HYCC2: variants seen among roughly 807,000 people sequenced by gnomAD.
HYCC2 encodes hyccin 2.
chr2:201,033,149 A>ATGTGTGTG, the HYCC2 span, among the ~76,000 whole-genome samples: 8 of 114,758 alleles, frequency 7.0e-5, no homozygotes, highest in African/African-American at 2.4e-4. Flanking sequence ...AGCTATTTGT[A>ATGTGTGTG]TGTGTGTGTA....
the HYCC2 span, chr2:200,976,674 G>A: frequency 1.3e-5 from 2 of 152,014 alleles, no homozygotes; most frequent in East Asian, 3.9e-4. Flanking sequence ...AGCTTATATA[G>A]CTGAGACTAC....
chr2:201,011,485 A>G, the HYCC2 span: 1 of 1,431,282 alleles, frequency 7.0e-7, no homozygotes, highest in Non-Finnish European at 9.6e-7. Flanking sequence ...ATAGTCAAAA[A>G]ATATACAAAG....
At chr2:201,023,995 G>A in the HYCC2 span, 14 of 1,613,142 alleles carry the variant, frequency 8.7e-6, no homozygotes, top group Non-Finnish European at 1.2e-5. Context: ...CAACACAACG[G>A]TCAGTTCCCA....
At chr2:201,030,572 T>C in the HYCC2 span, among the ~76,000 whole-genome samples, 1 of 151,232 alleles carries the variant, frequency 6.6e-6, no homozygotes, top group African/African-American at 2.4e-5. Context: ...TCTATAGATC[T>C]ATCTCATTCC....
the HYCC2 span, chr2:201,022,187 G>T: frequency 2.4e-6 from 2 of 832,108 alleles, no homozygotes; most frequent in Non-Finnish European, 1.7e-6. Context: ...ATCCAGTGGT[G>T]ATAAAACTGT....
the HYCC2 span, among the ~76,000 whole-genome samples, chr2:201,012,591 CA>C: frequency 1.3e-5 from 2 of 152,118 alleles, no homozygotes; most frequent in Non-Finnish European, 2.9e-5. Context: ...ATAAAAAAGA[CA>C]ATGGACAATG....
chr2:200,988,153 A>T, the HYCC2 span: 1 of 860,276 alleles, frequency 1.2e-6, no homozygotes, highest in Admixed American at 2.9e-5. Context: ...AACAAAAAAA[A>T]TTACTTTAAT....
At chr2:201,051,193 A>G in the HYCC2 span, among the ~76,000 whole-genome samples, 1 of 152,240 alleles carries the variant, frequency 6.6e-6, no homozygotes. Context: ...GACACATTCA[A>G]TATTCAGTTA....
At chr2:200,991,543 T>C in the HYCC2 span, among the ~76,000 whole-genome samples, 2 of 146,520 alleles carry the variant, frequency 1.4e-5, no homozygotes, top group Non-Finnish European at 3.0e-5. Context: ...CACTCCAGCA[T>C]AGGAGACAGA....
chr2:201,020,201 C>T, the HYCC2 span, among the ~76,000 whole-genome samples: 1 of 152,118 alleles, frequency 6.6e-6, no homozygotes. Flanking sequence ...TAAATGGCAC[C>T]ACCACCCACA....
the HYCC2 span, chr2:201,063,247 C>G: frequency 8.2e-6 from 13 of 1,593,124 alleles, no homozygotes; most frequent in Non-Finnish European, 1.0e-5. Context: ...ACACCAAGTG[C>G]TCCACGGGCT....
At chr2:200,988,429 GATAAT>G in the HYCC2 span, 1 of 1,606,182 alleles carries the variant, frequency 6.2e-7, no homozygotes, top group Middle Eastern at 1.7e-4. Flanking sequence ...AACCTACAAT[GATAAT>G]ATAAGTCTAT....
At chr2:200,993,724 G>A in the HYCC2 span, among the ~76,000 whole-genome samples, 1 of 151,866 alleles carries the variant, frequency 6.6e-6, no homozygotes, top group Non-Finnish European at 1.5e-5. Flanking sequence ...GCTCACGCCT[G>A]TAATCCCAGC....
the HYCC2 span, among the ~76,000 whole-genome samples, chr2:201,025,032 G>C: frequency 6.6e-6 from 1 of 152,066 alleles, no homozygotes; most frequent in Non-Finnish European, 1.5e-5. Context: ...AAGATCCCTT[G>C]AGCCCAGGAG....
the HYCC2 span, among the ~76,000 whole-genome samples, chr2:200,987,067 T>A: frequency 4.6e-5 from 7 of 152,168 alleles, no homozygotes; most frequent in African/African-American, 1.7e-4. Context: ...ATAAAAAAAT[T>A]CCAAGCATTT....
chr2:201,060,061 G>GA, the HYCC2 span, among the ~76,000 whole-genome samples: 1 of 144,282 alleles, frequency 6.9e-6, no homozygotes, highest in Admixed American at 6.9e-5. Context: ...AAGCGGGGGG[G>GA]GGGGGGTTCT....
the HYCC2 span, among the ~76,000 whole-genome samples, chr2:201,010,609 C>A: frequency 6.6e-6 from 1 of 152,056 alleles, no homozygotes; most frequent in Non-Finnish European, 1.5e-5. Flanking sequence ...ACCTAGAATA[C>A]AGCAATTAGA....
At chr2:201,030,580 T>TA in the HYCC2 span, among the ~76,000 whole-genome samples, 27 of 147,724 alleles carry the variant, frequency 1.8e-4, no homozygotes, top group Admixed American at 2.1e-4. Flanking sequence ...TCTATCTCAT[T>TA]CCTTTTTTTT....
the HYCC2 span, among the ~76,000 whole-genome samples, chr2:201,068,293 A>G: frequency 6.6e-6 from 1 of 152,096 alleles, no homozygotes. Context: ...GTCTCAAAAA[A>G]AGAAAAAAAA....
Sources: gnomAD v4.1 joint callset for allele counts (sites outside exome capture counted in the v4.1 genomes callset) on GRCh38, gnomAD v4.1.1 for gene constraint, MANE v1.5 for transcripts, NCBI Gene and HGNC (gene_info 2026-07-23, HGNC 2026-07-21) for gene names.